The following USO1 variants were observed in gnomAD, a reference collection of about 807,000 sequenced individuals.
USO1 encodes the protein USO1 vesicle transport factor, also known as general vesicular transport factor p115.
In USO1, 57 loss-of-function variants were observed where a neutral mutation model predicts 124.5. The observed-to-expected ratio is 0.46, with a 90% CI of 0.37 to 0.57. USO1 has a LOEUF of 0.57. USO1 is among the 20% of genes least tolerant of loss of function. USO1 has a pLI of 0.00. For synonymous variants in USO1, 369 were observed against 362.8 expected, an observed-to-expected ratio of 1.02 and a Z score of -0.19; for missense variants, 900 against 1,040.6, an observed-to-expected ratio of 0.86 and a Z score of 1.86.
At chr4:75,810,063 T>C (rs1723102771) in intron 21 of USO1, among the ~76,000 whole-genome samples, 1 of 152,360 alleles carries the variant, frequency 6.6e-6, no homozygotes, top group South Asian at 2.1e-4. Context: ...TTTATCTACC[T>C]ATCTAGGGTG....
chr4:75,749,974 C>T (rs989194400), intron 1 of USO1, among the ~76,000 whole-genome samples: 1 of 152,056 alleles, frequency 6.6e-6, no homozygotes, highest in African/African-American at 2.4e-5. Context: ...AGCATGGTCT[C>T]GATCTCCTGA....
At chr4:75,745,910 TA>T (rs559260914) in intron 1 of USO1, among the ~76,000 whole-genome samples, 1 of 144,998 alleles carries the variant, frequency 6.9e-6, no homozygotes, top group Admixed American at 6.9e-5. Context: ...AAATAAAAAA[TA>T]AAAAAAAAAC....
At chr4:75,731,354 G>A (rs1320881251) in intron 1 of USO1, among the ~76,000 whole-genome samples, 1 of 152,148 alleles carries the variant, frequency 6.6e-6, no homozygotes, top group Non-Finnish European at 1.5e-5. Flanking sequence ...CTGAGGTCAG[G>A]AGTTTGAGAC....
At position 75,774,581 on chromosome 4, in the gene USO1, T is replaced by G. The variant is rs1190797912; in HGVS notation, c.556-95T>G. 2.8e-6 allele frequency: 4 copies of G among 1,441,622 alleles called. No homozygotes were observed. In the African/African-American group the frequency reaches 5.7e-5, roughly 21 times the overall value. The allele number at this position is 1,441,622 out of a possible 1,614,324, so 89.3% of individuals were successfully genotyped here. A position where few individuals can be genotyped will look rare whatever the true frequency, so the allele number is the denominator to read the frequency against. On this transcript the variant is annotated intron_variant, in intron 7 of 23. Coordinates refer to ENST00000514213, the MANE Select transcript of USO1 (RefSeq NM_003715.4). ...AAGTAAAGGAGTTGGGCTTGCAAAA[T>G]CTCTGCCAGTTCTAAAATTCTGTGA...
At chr4:75,744,496 T>G (rs1721064851) in intron 1 of USO1, among the ~76,000 whole-genome samples, 1 of 152,212 alleles carries the variant, frequency 6.6e-6, no homozygotes, top group South Asian at 2.1e-4. Context: ...CTTGGCTCAC[T>G]GCAACCTCCG....
At chr4:75,774,546 C>T in intron 7 of USO1, 130 bp from the exon 8 acceptor site, 1 of 1,077,106 alleles carries the variant, frequency 9.3e-7, no homozygotes, top group Non-Finnish European at 1.3e-6. Context: ...TCTTGTTTTC[C>T]TTATGTATAA....
intron 4 of USO1, among the ~76,000 whole-genome samples, chr4:75,762,882 C>T (rs1336647651): frequency 1.3e-5 from 2 of 152,164 alleles, no homozygotes; most frequent in South Asian, 2.1e-4. Flanking sequence ...GAGCAGAGAT[C>T]GTGCCACTGC....
chr4:75,756,583 T>TGGGAG (rs1264833706), intron 3 of USO1, among the ~76,000 whole-genome samples: 93 of 150,270 alleles, frequency 6.2e-4, no homozygotes, highest in African/African-American at 2.2e-3. Context: ...CTCGGCTCAC[T>TGGGAG]GCAACCTCTG....
At chr4:75,793,054 T>C (rs1722575219) in intron 12 of USO1, among the ~76,000 whole-genome samples, 1 of 152,158 alleles carries the variant, frequency 6.6e-6, no homozygotes, top group Non-Finnish European at 1.5e-5. Flanking sequence ...TCCAGGTTCA[T>C]CTGTGTTGTT....
chr4:75,811,577 C>G (rs324695), intron 22 of USO1, among the ~76,000 whole-genome samples: 16,329 of 152,204 alleles, frequency 0.11, 949 homozygotes, highest in Middle Eastern at 0.17. Flanking sequence ...CACATTAAAT[C>G]CTGTCAGCAT....
intron 22 of USO1, among the ~76,000 whole-genome samples, chr4:75,811,058 C>T (rs1347279738): frequency 1.3e-5 from 2 of 152,116 alleles, no homozygotes; most frequent in African/African-American, 2.4e-5. Flanking sequence ...TTTTAAAATA[C>T]TATTTCAAAT....
At chr4:75,789,482 T>G (rs1440815912) in intron 10 of USO1, among the ~76,000 whole-genome samples, 1 of 152,142 alleles carries the variant, frequency 6.6e-6, no homozygotes, top group East Asian at 1.9e-4. Context: ...ACCATGTTGG[T>G]CAGGCTGGTC....
At position 75,806,549 on chromosome 4, in the gene USO1, G is replaced by A. The variant is rs1723002439; in HGVS notation, c.2353G>A (p.Glu785Lys). ...AGCAATAGTTTCAGCTAGAGATTCT[G>A]AACAAGTTGCAGAATTAAAACAGGT... ...SSAIVSARDSEQVAELKQELA... is the reference protein window; with the variant it reads ...SSAIVSARDSKQVAELKQELA... Residue 785 changes from glutamate (E) to lysine (K), a missense_variant, in exon 20 of 24, where the codon GAA becomes AAA. Glu to Lys is a moderately conservative substitution (Grantham distance 56). Around this residue, in one of 2 missense-constraint regions of USO1, gnomAD observed 362 missense variants for 359.0 expected, o/e 1.01. Coordinates refer to ENST00000514213, the MANE Select transcript of USO1 (RefSeq NM_003715.4). 15 of 1,557,920 alleles carry A rather than the reference G, an allele frequency of 9.6e-6. No individual in the cohort carries two copies. Among genetic ancestry groups the A allele is most frequent in the Non-Finnish European group, 1.3e-5 (15 of 1,149,994 alleles).
At chr4:75,768,092 C>T (rs1721820021) in intron 4 of USO1, among the ~76,000 whole-genome samples, 1 of 152,134 alleles carries the variant, frequency 6.6e-6, no homozygotes, top group African/African-American at 2.4e-5. Flanking sequence ...TCATGGCTCA[C>T]TGCAGCCTCT....
At chr4:75,801,458 T>C (rs964266704) in intron 17 of USO1, among the ~76,000 whole-genome samples, 3 of 152,242 alleles carry the variant, frequency 2.0e-5, no homozygotes, top group African/African-American at 7.2e-5. Flanking sequence ...CTTTCCAGGA[T>C]ACCAGTGAAC....
At chr4:75,763,353 T>C (rs1182292813) in intron 4 of USO1, among the ~76,000 whole-genome samples, 1 of 152,242 alleles carries the variant, frequency 6.6e-6, no homozygotes, top group Non-Finnish European at 1.5e-5. Flanking sequence ...ACAACCATTC[T>C]GTTTTTTCAC....
rs1722773373 is a variant in USO1, at chr4:75,799,220, T to C, written c.1453-402T>C. On this transcript the variant is annotated intron_variant, in intron 13 of 23. Transcript: ENST00000514213. ...TTTTGAAGGAAGTAGAATTTTCCTTTTATCAGGAACTTGTTTTTAAACTTG... is the reference window on the plus strand; with the variant it reads ...TTTTGAAGGAAGTAGAATTTTCCTTCTATCAGGAACTTGTTTTTAAACTTG... Among the ~76,000 whole-genome samples the C allele has an allele frequency of 3.3e-5, 5 of 152,228 alleles. No individual in the cohort carries two copies. The South Asian group carries it at 1.0e-3, about 32-fold the overall frequency.
chr4:75,730,020 T>C (rs1226638300), intron 1 of USO1: 1 of 309,682 alleles, frequency 3.2e-6, no homozygotes. Flanking sequence ...TCTACATTAA[T>C]AACCAGGTCA....
intron 1 of USO1, among the ~76,000 whole-genome samples, chr4:75,747,293 T>G (rs1721152348): frequency 6.6e-6 from 1 of 152,188 alleles, no homozygotes; most frequent in South Asian, 2.1e-4. Flanking sequence ...TTATTATATT[T>G]TGAGGCAGGG....
Sources: gnomAD v4.1 joint callset for allele counts (sites outside exome capture counted in the v4.1 genomes callset) on GRCh38, gnomAD v4.1.1 for gene constraint, gnomAD v4.1.1 regional missense constraint, MANE v1.5 for transcripts, NCBI Gene and HGNC (gene_info 2026-07-23, HGNC 2026-07-21) for gene names.